Variants in LPP observed in about 807,000 individuals in gnomAD.
LPP encodes the protein LIM domain containing preferred translocation partner in lipoma, also known as lipoma-preferred partner.
A neutral mutation model predicts 60.4 loss-of-function variants in LPP; 38 were observed. The observed-to-expected ratio is 0.63, with a 90% CI of 0.49 to 0.83. The LOEUF (loss-of-function observed/expected upper bound fraction) is 0.83, where lower values mean the gene tolerates loss of function less well. Among genes scored for constraint, LPP ranks in the 40% least tolerant of loss-of-function variants. The pLI, the probability that LPP is intolerant of heterozygous loss-of-function variation, is 0.00. For missense variants in LPP, 902 were observed against 783.6 expected, an observed-to-expected ratio of 1.15 and a Z score of -1.80; for synonymous variants, 328 against 290.8, an observed-to-expected ratio of 1.13 and a Z score of -1.30.
intron 2 of LPP, among the ~76,000 whole-genome samples, chr3:188,252,719 ATTTTGTGAGTT>A (rs1372804469): frequency 7.2e-5 from 11 of 152,054 alleles, no homozygotes; most frequent in Non-Finnish European, 1.3e-4. Context: ...ATATGTATTC[ATTTTGTGAGTT>A]TTTTGTGAGT....
At chr3:188,642,494 C>T (rs1232796121) in intron 7 of LPP, among the ~76,000 whole-genome samples, 1 of 152,158 alleles carries the variant, frequency 6.6e-6, no homozygotes, top group Non-Finnish European at 1.5e-5. Flanking sequence ...TGAAGTCTCC[C>T]TTTAGGAGAT....
intron 1 of LPP, chr3:188,179,240 C>T (rs780673645): frequency 2.2e-5 from 10 of 457,938 alleles, no homozygotes; most frequent in African/African-American, 1.6e-4. Flanking sequence ...ATGGAATCTT[C>T]GGCTGTGGCC....
intron 9 of LPP, among the ~76,000 whole-genome samples, chr3:188,764,362 T>G (rs1733342590): frequency 6.6e-6 from 1 of 152,222 alleles, no homozygotes; most frequent in Non-Finnish European, 1.5e-5. Flanking sequence ...ATACATGAAA[T>G]TATTTACTAA....
chr3:188,378,678 C>T (rs1775974966), intron 3 of LPP, among the ~76,000 whole-genome samples: 2 of 152,164 alleles, frequency 1.3e-5, no homozygotes. Flanking sequence ...GGTGATGCCT[C>T]ACCCTGCTTC....
chr3:188,389,881 A>G (rs572651582), intron 3 of LPP, among the ~76,000 whole-genome samples: 28 of 151,852 alleles, frequency 1.8e-4, no homozygotes, highest in African/African-American at 6.8e-4. Context: ...GAACCTGCCT[A>G]TCCCCTCTGG....
rs922700303 is a variant in LPP at position 188,887,388 on chromosome 3, T to C, written c.*12909T>C. The C allele has an allele frequency of 1.9e-5, 4 of 215,972 alleles. No individual in the cohort carries two copies. The highest frequency in any genetic ancestry group is 2.8e-5 in the Non-Finnish European group (3 of 107,160). The allele number at this position is 215,972 out of a possible 1,614,324, so 13.4% of individuals were successfully genotyped here. On this transcript the variant is annotated 3_prime_UTR_variant, in exon 12 of 12. Transcript: ENST00000617246. ...ATAAACTGGAAATAGGAGAGTAGCT[T>C]GAGCAGGTTATGATATATCTGCCCA... is the stretch of plus-strand genomic sequence containing the variant.
rs1437112839 is a variant in LPP, at chr3:188,875,510, A to G, written c.*1031A>G. ...ATTACCAGGTCCATTTTGCCTGACAATTGCAAATCAGAGCATACAAAATAA... is the reference window on the plus strand; with the variant it reads ...ATTACCAGGTCCATTTTGCCTGACAGTTGCAAATCAGAGCATACAAAATAA... On this transcript the variant is annotated 3_prime_UTR_variant, in exon 12 of 12. Transcript: ENST00000617246. 4 of 214,342 alleles carry G rather than the reference A, an allele frequency of 1.9e-5. No homozygotes were observed. Among genetic ancestry groups the G allele is most frequent in the Non-Finnish European group, 2.8e-5 (3 of 105,954 alleles). 13.3% of individuals were successfully genotyped at this position (214,342 alleles called of 1,614,324 possible). A position where few individuals can be genotyped will look rare whatever the true frequency, so the allele number is the denominator to read the frequency against.
chr3:188,489,868 T>C (rs1005588876), intron 5 of LPP, among the ~76,000 whole-genome samples: 3 of 152,206 alleles, frequency 2.0e-5, no homozygotes, highest in Non-Finnish European at 2.9e-5. Context: ...TGCTTCTCTG[T>C]TTGTTTCCCA....
rs145820286 is a variant in LPP at position 188,266,499 on chromosome 3, CAGAAG to C, written c.-67+40980_-67+40984del. ...GGAGAGAGAGAGAGCGCGAGAGAGA[CAGAAG>C]AGAAGAGGAGAGGGGAGGGGAGGGG... On this transcript the variant is annotated intron_variant, in intron 2 of 11. Coordinates refer to ENST00000617246, the MANE Select transcript of LPP (RefSeq NM_001375462.1). Among the ~76,000 whole-genome samples, 849 of 143,472 alleles carry C rather than the reference CAGAAG, an allele frequency of 5.9e-3. 7 individuals are homozygous for C. Among genetic ancestry groups the C allele is most frequent in the African/African-American group, 0.021 (821 of 38,210 alleles). 94.1% of individuals were successfully genotyped at this position (143,472 alleles called of 152,430 possible).
chr3:188,576,483 G>A (rs985010028), intron 6 of LPP, among the ~76,000 whole-genome samples: 2 of 152,130 alleles, frequency 1.3e-5, no homozygotes, highest in Non-Finnish European at 2.9e-5. Flanking sequence ...GTAGGTAAAG[G>A]TAAGGAGACG....
Position 188,503,344 on chromosome 3 carries a change from T to C in LPP, c.306+18640T>C, listed in dbSNP as rs1378099960. Among the ~76,000 whole-genome samples the C allele has an allele frequency of 5.3e-5, 8 of 152,290 alleles. No homozygotes were observed. In the East Asian group the frequency reaches 1.5e-3, roughly 29 times the overall value. On this transcript the variant is annotated intron_variant, in intron 5 of 11. Transcript: ENST00000617246. ...TAATTTAATACACTCATTTCTTAAATTGTAGAAAACAAAATTGGGCTTACC... is the reference window on the plus strand; with the variant it reads ...TAATTTAATACACTCATTTCTTAAACTGTAGAAAACAAAATTGGGCTTACC...
At position 188,193,981 on chromosome 3, in the gene LPP, C is replaced by T. The variant is rs185703898; in HGVS notation, c.-189-31424C>T. ...AACAAGGTTTAAGGCTCAGCTCTGC[C>T]ACTGACATGCTGTGTTACATGGGCA... On this transcript the variant is annotated intron_variant, in intron 1 of 11. Transcript: ENST00000617246. Among the ~76,000 whole-genome samples the T allele has an allele frequency of 8.6e-3, 1,305 of 152,306 alleles. 16 individuals carry two copies. Among genetic ancestry groups the T allele is most frequent in the Non-Finnish European group, 9.6e-3 (655 of 68,032 alleles).
At chr3:188,695,080 A>G (rs976712646) in intron 7 of LPP, among the ~76,000 whole-genome samples, 1 of 152,232 alleles carries the variant, frequency 6.6e-6, no homozygotes, top group Non-Finnish European at 1.5e-5. Context: ...TCTCATTTGT[A>G]AATTCAGAAT....
chr3:188,262,736 A>G (rs542794557), intron 2 of LPP, among the ~76,000 whole-genome samples: 99 of 151,420 alleles, frequency 6.5e-4, no homozygotes, highest in Non-Finnish European at 1.2e-3. Flanking sequence ...TCTGTCTCAC[A>G]CACACACACG....
intron 9 of LPP, among the ~76,000 whole-genome samples, chr3:188,822,841 T>C (rs1184809085): frequency 6.6e-6 from 1 of 152,148 alleles, no homozygotes; most frequent in South Asian, 2.1e-4. Context: ...TTGGGGACCA[T>C]ATGTACAGGA....
intron 6 of LPP, among the ~76,000 whole-genome samples, chr3:188,589,112 G>A (rs1434323390): frequency 3.3e-5 from 5 of 151,788 alleles, no homozygotes; most frequent in African/African-American, 1.2e-4. Flanking sequence ...AGGGGAGAGG[G>A]TGTTTTTTTA....
At chr3:188,432,452 A>C (rs1170949815) in intron 4 of LPP, among the ~76,000 whole-genome samples, 4 of 152,216 alleles carry the variant, frequency 2.6e-5, no homozygotes, top group Non-Finnish European at 5.9e-5. Flanking sequence ...TCAGAGTATT[A>C]GCTGAAGGCA....
At chr3:188,463,783 T>C (rs573428936) in intron 4 of LPP, among the ~76,000 whole-genome samples, 2 of 152,270 alleles carry the variant, frequency 1.3e-5, no homozygotes, top group Admixed American at 6.5e-5. Context: ...CAGAGAACGG[T>C]CATTTAACCA....
intron 1 of LPP, among the ~76,000 whole-genome samples, chr3:188,173,929 C>T (rs1722337732): frequency 6.6e-6 from 1 of 152,180 alleles, no homozygotes; most frequent in Non-Finnish European, 1.5e-5. Context: ...CTCCACCTTT[C>T]CCCTCATTTT....
Sources: allele counts gnomAD v4.1 joint callset (sites outside exome capture counted in the v4.1 genomes callset), GRCh38; gene constraint gnomAD v4.1.1; transcripts MANE v1.5; gene names NCBI Gene and HGNC (gene_info 2026-07-23, HGNC 2026-07-21).